The following IKZF1 variants were observed in gnomAD, a reference collection of about 807,000 sequenced individuals.
The protein encoded by IKZF1 is IKAROS family zinc finger 1.
IKZF1 carries 10 observed loss-of-function variants against 51.7 expected under a neutral mutation model. That is an observed-to-expected ratio of 0.19 (90% CI 0.12 to 0.33). The LOEUF (loss-of-function observed/expected upper bound fraction) is 0.33. Ranked by LOEUF, IKZF1 falls within the 10% of genes least tolerant of loss-of-function variation. IKZF1 has a pLI of 1.00. For synonymous variants in IKZF1, 280 were observed against 282.3 expected (o/e 0.99, Z 0.08); for missense variants, 484 against 707.5 (o/e 0.68, Z 3.58).
At chr7:50,358,779 G>A (rs993785575) in intron 3 of IKZF1, among the ~76,000 whole-genome samples, 6 of 151,976 alleles carry the variant, frequency 3.9e-5, no homozygotes, top group Non-Finnish European at 7.4e-5. Flanking sequence ...TGGAGGAAGA[G>A]AGAAGGGAAA....
At chr7:50,335,598 G>A (rs1172249639) in intron 3 of IKZF1, among the ~76,000 whole-genome samples, 1 of 150,302 alleles carries the variant, frequency 6.7e-6, no homozygotes, top group African/African-American at 2.5e-5. Context: ...TATGGGATGT[G>A]TAGTGTGTAT....
chr7:50,375,411 A>G (rs1056448629), intron 3 of IKZF1, among the ~76,000 whole-genome samples: 1 of 152,100 alleles, frequency 6.6e-6, no homozygotes, highest in Non-Finnish European at 1.5e-5. Flanking sequence ...CATCTATCTC[A>G]TTGATCATTT....
intron 3 of IKZF1, among the ~76,000 whole-genome samples, chr7:50,343,829 C>T (rs1197626498): frequency 6.6e-6 from 1 of 152,160 alleles, no homozygotes; most frequent in Non-Finnish European, 1.5e-5. Context: ...CTTCAGAGAC[C>T]CAAGCACTTG....
rs1360286392 is a variant in IKZF1, at chr7:50,400,250, C to G, written c.1183C>G (p.Gln395Glu). Residue 395 changes from glutamine to glutamate, a missense_variant, in exon 8 of 8, where the codon CAA becomes GAA. Around this residue, in one of 6 missense-constraint regions of IKZF1, gnomAD observed 27 missense variants for 56.8 expected, o/e 0.48. Transcript: ENST00000331340. This position sits in a 1 kb window ranked among gnomAD's most constrained non-coding sequence, Gnocchi z 5.4. ...EREASPSNSC[Q>E]DSTDTESNNE... ...CGAGGCGTCCCCGAGCAACAGCTGC[C>G]AAGACTCCACGGACACCGAGAGCAA... 5 of 1,610,486 alleles carry G rather than the reference C, an allele frequency of 3.1e-6. No homozygotes were observed. The highest frequency in any genetic ancestry group is 4.2e-6 in the Non-Finnish European group (5 of 1,178,872).
chr7:50,310,356 A>G (rs1789863201), intron 1 of IKZF1, among the ~76,000 whole-genome samples: 1 of 152,242 alleles, frequency 6.6e-6, no homozygotes, highest in Admixed American at 6.5e-5. Flanking sequence ...AGCTGCAGAA[A>G]AATCTGATTG....
chr7:50,382,494 C>A (rs2153477083), intron 4 of IKZF1, 46 bp from the exon 5 acceptor site: 1 of 1,578,516 alleles, frequency 6.3e-7, no homozygotes. Context: ...TCCTCATGTC[C>A]CCACGCTGAG....
rs150640087 is a variant in IKZF1, at chr7:50,376,454, G to T, written c.161-79G>T. ...AGTAGCTCTCCACACCTATTTGATT[G>T]TCTTTTTGCTGCTGTGTTGTTTTGT... On this transcript the variant is annotated intron_variant, in intron 3 of 7. Coordinates refer to ENST00000331340, the MANE Select transcript of IKZF1 (RefSeq NM_006060.6). The surrounding 1 kb of genome is among the most constrained non-coding windows in gnomAD (Gnocchi z 4.5). The T allele has an allele frequency of 0.013, 21,164 of 1,570,084 alleles. 166 individuals are homozygous for T. The highest frequency in any genetic ancestry group is 0.016 in the Non-Finnish European group (18,587 of 1,160,786).
rs1031990054 is a variant in IKZF1 at position 50,399,954 on chromosome 7, G to T, written c.887G>T (p.Ser296Ile). The change falls in exon 8 of 8, where the codon AGC becomes ATC. Residue 296 changes from serine (S) to isoleucine (I), a missense_variant. Physicochemically the swap from Ser to Ile is moderately radical, Grantham distance 142. This residue lies in a region of IKZF1 where 172 missense variants were observed against 192.7 expected (regional missense o/e 0.89). Coordinates refer to ENST00000331340, the MANE Select transcript of IKZF1 (RefSeq NM_006060.6). ...KGLSDTPYDS[S>I]ASYEKENEMM... is the part of the protein sequence containing the mutation. ...CTGTCCGACACGCCCTACGACAGCA[G>T]CGCCAGCTACGAGAAGGAGAACGAA... is the stretch of plus-strand genomic sequence containing the variant. The T allele has an allele frequency of 2.5e-6, 4 of 1,613,460 alleles. No homozygotes were observed. The highest frequency in any genetic ancestry group is 3.4e-6 in the Non-Finnish European group (4 of 1,179,792).
At chr7:50,378,995 G>A (rs963946769) in intron 4 of IKZF1, among the ~76,000 whole-genome samples, 1 of 152,244 alleles carries the variant, frequency 6.6e-6, no homozygotes, top group Non-Finnish European at 1.5e-5. Flanking sequence ...GAATATGTTA[G>A]AAAAGGCATG....
chr7:50,334,655 A>ATGTGG (rs1373524573), intron 3 of IKZF1, among the ~76,000 whole-genome samples: 9 of 139,280 alleles, frequency 6.5e-5, no homozygotes, highest in Non-Finnish European at 1.4e-4. Flanking sequence ...TGGTGTGCAT[A>ATGTGG]TGTAGTGTGT....
chr7:50,399,887 C>G (rs1293835163), intron 7 of IKZF1, 31 bp from the exon 8 acceptor site: 1 of 1,587,708 alleles, frequency 6.3e-7, no homozygotes, highest in Admixed American at 1.9e-5. Flanking sequence ...GAGGTGGCCG[C>G]GCCCCACTCA....
In IKZF1 at chr7:50,382,589, G is replaced by A. The variant is rs769205500; in HGVS notation, c.471G>A (p.Lys157=). The change falls in exon 5 of 8, where the codon AAG becomes AAA. Residue 157 remains lysine (K), a synonymous_variant. Transcript: ENST00000331340. The stretch of plus-strand genomic sequence containing the variant: ...AGTGCGGGGCCTCATTCACCCAGAA[G>A]GGCAACCTGCTCCGGCACATCAAGC... The part of the protein sequence containing the change: ...CNQCGASFTQ[K]GNLLRHIKLH... The A allele has an allele frequency of 1.9e-6, 3 of 1,613,838 alleles. No individual in the cohort carries two copies. Among genetic ancestry groups the A allele is most frequent in the Non-Finnish European group, 1.7e-6 (2 of 1,179,858 alleles).
intron 4 of IKZF1, among the ~76,000 whole-genome samples, chr7:50,377,921 A>G (rs1410372228): frequency 6.6e-6 from 1 of 152,244 alleles, no homozygotes; most frequent in Non-Finnish European, 1.5e-5. Context: ...AAAACCCAAG[A>G]GGAAAAAAAT....
At chr7:50,342,480 G>T (rs1159011040) in intron 3 of IKZF1, among the ~76,000 whole-genome samples, 2 of 152,150 alleles carry the variant, frequency 1.3e-5, no homozygotes, top group African/African-American at 4.8e-5. Context: ...GGTTCCCAGA[G>T]AGCGCCCTTG....
intron 2 of IKZF1, among the ~76,000 whole-genome samples, chr7:50,320,628 A>G (rs965893846): frequency 3.3e-5 from 5 of 152,090 alleles, no homozygotes; most frequent in African/African-American, 1.2e-4. Flanking sequence ...CCTACTTTCT[A>G]CTTATAATGA....
intron 7 of IKZF1, among the ~76,000 whole-genome samples, chr7:50,394,522 T>C (rs1816133688): frequency 6.6e-6 from 1 of 152,160 alleles, no homozygotes; most frequent in East Asian, 1.9e-4. Context: ...TAGGAGTGAC[T>C]GGTGGCCTTG....
intron 3 of IKZF1, among the ~76,000 whole-genome samples, chr7:50,346,907 T>C (rs943017145): frequency 2.6e-5 from 4 of 152,200 alleles, no homozygotes; most frequent in African/African-American, 7.2e-5. Flanking sequence ...CTCCTCCTAA[T>C]GGGGCACATG....
At chr7:50,326,869 A>G (rs1475614928) in intron 2 of IKZF1, among the ~76,000 whole-genome samples, 1 of 152,198 alleles carries the variant, frequency 6.6e-6, no homozygotes, top group African/African-American at 2.4e-5. Flanking sequence ...GTTAAGTCAA[A>G]CTAAGCAGCT....
Position 50,379,302 on chromosome 7 carries a change from G to T in IKZF1, c.421+2509G>T, listed in dbSNP as rs143983024. On this transcript the variant is annotated intron_variant, in intron 4 of 7. Coordinates refer to ENST00000331340, the MANE Select transcript of IKZF1 (RefSeq NM_006060.6). Reference sequence around the variant, plus strand: ...GGCTAGGACTTGCACTGTGGCCATTGTTCCTCCTCCTGCCCATGGCTGAGT... The same window carrying T: ...GGCTAGGACTTGCACTGTGGCCATTTTTCCTCCTCCTGCCCATGGCTGAGT... Among the ~76,000 whole-genome samples the T allele has an allele frequency of 2.0e-3, 301 of 152,324 alleles. 2 individuals are homozygous for T. Among genetic ancestry groups the T allele is most frequent in the East Asian group, 0.015 (76 of 5,176 alleles).
Sources: gnomAD v4.1 joint callset for allele counts (sites outside exome capture counted in the v4.1 genomes callset) on GRCh38, gnomAD v4.1.1 for gene constraint, gnomAD v4.1.1 regional missense constraint, Gnocchi (gnomAD v3.1) non-coding constraint, MANE v1.5 for transcripts, NCBI Gene and HGNC (gene_info 2026-07-23, HGNC 2026-07-21) for gene names.